Variants in SPOCK3 observed in about 807,000 individuals in gnomAD.
The protein encoded by SPOCK3 is SPARC (osteonectin), cwcv and kazal like domains proteoglycan 3.
SPOCK3 carries 30 observed loss-of-function variants against 56.6 expected under a neutral mutation model. The ratio of observed to expected loss-of-function variants is 0.53; its 90% CI spans 0.40 to 0.72. SPOCK3 has a LOEUF of 0.72. Ranked by LOEUF, SPOCK3 falls within the 30% of genes least tolerant of loss-of-function variation. The pLI is 0.00. For synonymous variants in SPOCK3, 196 were observed against 183.3 expected, an observed-to-expected ratio of 1.07 and a Z score of -0.56; for missense variants, 527 against 530.0, an observed-to-expected ratio of 0.99 and a Z score of 0.06.
chr4:166,862,584 CATAA>C (rs1296395179), intron 6 of SPOCK3, among the ~76,000 whole-genome samples: 6 of 152,054 alleles, frequency 3.9e-5, no homozygotes, highest in Admixed American at 3.3e-4. Context: ...TTGTTAAATA[CATAA>C]ATATTGGGAA....
intron 5 of SPOCK3, among the ~76,000 whole-genome samples, chr4:166,891,023 T>C (rs889485566): frequency 6.6e-6 from 1 of 152,046 alleles, no homozygotes; most frequent in African/African-American, 2.4e-5. Context: ...TCTTTGTCAT[T>C]TTTGATCTTT....
intron 3 of SPOCK3, among the ~76,000 whole-genome samples, chr4:167,046,637 T>C (rs1164768098): frequency 6.6e-6 from 1 of 151,706 alleles, no homozygotes; most frequent in East Asian, 1.9e-4. Context: ...TTATGTTTTT[T>C]AGTAGAGATG....
At chr4:167,188,882 C>T (rs1732240554) in intron 2 of SPOCK3, among the ~76,000 whole-genome samples, 1 of 145,950 alleles carries the variant, frequency 6.9e-6, no homozygotes, top group Admixed American at 7.0e-5. Context: ...ATGCCAACTT[C>T]CAAAGTTCAG....
At chr4:166,972,228 G>C (rs1745470597) in intron 4 of SPOCK3, among the ~76,000 whole-genome samples, 1 of 152,104 alleles carries the variant, frequency 6.6e-6, no homozygotes, top group Admixed American at 6.6e-5. Flanking sequence ...GCCTTCAGCA[G>C]CTTCAGAAGT....
chr4:166,893,348 C>G (rs1734990668), intron 5 of SPOCK3, among the ~76,000 whole-genome samples: 1 of 152,082 alleles, frequency 6.6e-6, no homozygotes, highest in Non-Finnish European at 1.5e-5. Context: ...ATTCTACAAA[C>G]CAACTGTCAA....
At chr4:166,830,066 A>T (rs1745873937) in intron 6 of SPOCK3, among the ~76,000 whole-genome samples, 1 of 152,076 alleles carries the variant, frequency 6.6e-6, no homozygotes, top group Admixed American at 6.6e-5. Context: ...CAGACTAAAT[A>T]CCTTAATTTC....
intron 2 of SPOCK3, among the ~76,000 whole-genome samples, chr4:167,150,967 G>A (rs956013321): frequency 3.9e-5 from 6 of 152,082 alleles, no homozygotes; most frequent in African/African-American, 1.4e-4. Context: ...AAATTTAAGA[G>A]CATTGATTGC....
intron 2 of SPOCK3, among the ~76,000 whole-genome samples, chr4:167,086,987 A>G (rs1269478186): frequency 6.6e-6 from 1 of 152,142 alleles, no homozygotes; most frequent in Non-Finnish European, 1.5e-5. Context: ...CCCAGATAGC[A>G]ATCATGATGC....
At chr4:166,838,280 T>G (rs745833119) in intron 6 of SPOCK3, among the ~76,000 whole-genome samples, 33 of 152,212 alleles carry the variant, frequency 2.2e-4, no homozygotes, top group Non-Finnish European at 4.6e-4. Context: ...TTTCCTTTTC[T>G]GTCAAAGACT....
chr4:167,090,508 A>ACT (rs944159193), intron 2 of SPOCK3, among the ~76,000 whole-genome samples: 3 of 145,644 alleles, frequency 2.1e-5, no homozygotes, highest in African/African-American at 7.5e-5. Context: ...ATATGGATTT[A>ACT]TTTTTTTTTT....
intron 2 of SPOCK3, among the ~76,000 whole-genome samples, chr4:167,188,212 T>C (rs1430139974): frequency 6.8e-6 from 1 of 146,174 alleles, no homozygotes; most frequent in Admixed American, 7.0e-5. Context: ...GCTGTATTGA[T>C]TATGACTCCC....
chr4:166,797,930 C>T (rs926157399), intron 6 of SPOCK3, among the ~76,000 whole-genome samples: 21 of 152,008 alleles, frequency 1.4e-4, no homozygotes, highest in African/African-American at 4.8e-4. Flanking sequence ...CAGTCAAATG[C>T]TGCATAACAA....
At chr4:166,787,548 A>G (rs888942093) in intron 7 of SPOCK3, among the ~76,000 whole-genome samples, 1 of 152,218 alleles carries the variant, frequency 6.6e-6, no homozygotes, top group Non-Finnish European at 1.5e-5. Context: ...AAGTAAAATC[A>G]TAAAATAAAC....
At chr4:166,950,081 A>G (rs1161275716) in intron 4 of SPOCK3, among the ~76,000 whole-genome samples, 1 of 151,076 alleles carries the variant, frequency 6.6e-6, no homozygotes, top group East Asian at 1.9e-4. Context: ...ATTCACACAT[A>G]ACAATATTAA....
At chr4:166,996,237 G>A (rs1748365809) in intron 4 of SPOCK3, among the ~76,000 whole-genome samples, 1 of 151,830 alleles carries the variant, frequency 6.6e-6, no homozygotes, top group African/African-American at 2.4e-5. Flanking sequence ...AATTAACATG[G>A]CTAGTTTTGT....
At chr4:166,840,818 G>A (rs989306095) in intron 6 of SPOCK3, among the ~76,000 whole-genome samples, 8 of 115,588 alleles carry the variant, frequency 6.9e-5, no homozygotes, top group African/African-American at 1.7e-4. Flanking sequence ...TCGCTCTGTC[G>A]CCCAGGCTGG....
chr4:166,749,971 C>T (rs11932154), intron 8 of SPOCK3, among the ~76,000 whole-genome samples: 119,929 of 151,824 alleles, frequency 0.79, 47,617 homozygotes, highest in South Asian at 0.82. Context: ...TTTCTAATGT[C>T]TACTTGAACA....
chr4:166,903,269 A>C (rs779439794), intron 5 of SPOCK3, among the ~76,000 whole-genome samples: 21 of 151,750 alleles, frequency 1.4e-4, no homozygotes, highest in Non-Finnish European at 2.1e-4. Context: ...TTCTACAGAG[A>C]AAGTATATAT....
At position 167,041,830 on chromosome 4, in the gene SPOCK3, C is replaced by T. The variant is rs1019124103; in HGVS notation, c.235+20662G>A. 5.0e-4 allele frequency among the ~76,000 whole-genome samples: 76 copies of T among 151,810 alleles called. 1 individual carries two copies. The highest frequency in any genetic ancestry group is 2.4e-4 in the Non-Finnish European group (16 of 67,924). On this transcript the variant is annotated intron_variant, in intron 3 of 10. Coordinates refer to ENST00000357545, the MANE Select transcript of SPOCK3 (RefSeq NM_001040159.2). ...ATTTACTCTGATTTGATCATTATAC[C>T]ATGTATACATGCATTAAAACATCCC... is the stretch of plus-strand genomic sequence containing the variant.
Sources: gnomAD v4.1 joint callset for allele counts (sites outside exome capture counted in the v4.1 genomes callset) on GRCh38, gnomAD v4.1.1 for gene constraint, MANE v1.5 for transcripts, NCBI Gene and HGNC (gene_info 2026-07-23, HGNC 2026-07-21) for gene names.